Variants in NRG1 observed in about 807,000 individuals in gnomAD.
NRG1 encodes the protein pro-neuregulin-1, membrane-bound isoform.
In NRG1, 18 loss-of-function variants were observed where a neutral mutation model predicts 63.8. The ratio of observed to expected loss-of-function variants is 0.28; its 90% CI spans 0.19 to 0.42. NRG1 has a LOEUF of 0.42. NRG1 is among the 10% of genes least tolerant of loss of function. The pLI, the probability that NRG1 is intolerant of heterozygous loss-of-function variation, is 1.00. For missense variants in NRG1, 762 were observed against 814.7 expected, an observed-to-expected ratio of 0.94 and a Z score of 0.79; for synonymous variants, 302 against 301.3, an observed-to-expected ratio of 1.00 and a Z score of -0.02.
At chr8:32,748,796 T>C (rs955150286) in intron 7 of NRG1, 2 of 444,578 alleles carry the variant, frequency 4.5e-6, no homozygotes, top group African/African-American at 4.0e-5. Flanking sequence ...TTGAAAAAAG[T>C]GAGGCGTAGA....
At chr8:32,196,943 C>CT (rs773398472) in intron 1 of NRG1, among the ~76,000 whole-genome samples, 1,188 of 27,398 alleles carry the variant, frequency 0.043, 409 homozygotes, top group Middle Eastern at 0.059. Flanking sequence ...TCAGAACATT[C>CT]TTTTTTTTTT....
chr8:32,696,718 A>G (rs2128950179), intron 5 of NRG1, among the ~76,000 whole-genome samples: 1 of 142,858 alleles, frequency 7.0e-6, no homozygotes, highest in Admixed American at 7.2e-5. Flanking sequence ...CTGGAGTGCA[A>G]TGGCGCAATC....
chr8:32,002,986 T>A (rs1813190030), intron 1 of NRG1, among the ~76,000 whole-genome samples: 1 of 152,042 alleles, frequency 6.6e-6, no homozygotes, highest in Admixed American at 6.6e-5. Context: ...ATTGTATGCT[T>A]GTAGCTGAAC....
In NRG1 at chr8:31,947,797, T is replaced by A. The variant is rs533549171; in HGVS notation, c.37+308366T>A. Among the ~76,000 whole-genome samples the A allele has an allele frequency of 2.1e-4, 32 of 151,696 alleles. No individual in the cohort carries two copies. In the East Asian group the frequency reaches 5.7e-3, roughly 27 times the overall value. On this transcript the variant is annotated intron_variant, in intron 1 of 10. Transcript: ENST00000519301. The stretch of plus-strand genomic sequence containing the variant: ...CGTCTCTAGTAAAAATACAAAAAAA[T>A]TAACTGGGTGTGGTGGTGCATTCCT...
chr8:32,749,544 A>G, intron 7 of NRG1: 1 of 1,613,572 alleles, frequency 6.2e-7, no homozygotes, highest in Non-Finnish European at 8.5e-7. Flanking sequence ...TTTTTTGTCA[A>G]CTTTCTGCAT....
At chr8:32,100,143 C>T (rs1358578315) in intron 1 of NRG1, among the ~76,000 whole-genome samples, 1 of 152,012 alleles carries the variant, frequency 6.6e-6, no homozygotes. Context: ...TCTGCCTCCT[C>T]TCTTCTTCCT....
intron 1 of NRG1, among the ~76,000 whole-genome samples, chr8:32,345,279 A>T (rs1804739377): frequency 7.0e-6 from 1 of 142,134 alleles, no homozygotes; most frequent in Admixed American, 7.2e-5. Flanking sequence ...TGTTGGCCAG[A>T]AGTGCCTGTT....
intron 1 of NRG1, among the ~76,000 whole-genome samples, chr8:32,540,577 G>A (rs530940594): frequency 9.2e-5 from 14 of 152,228 alleles, no homozygotes; most frequent in African/African-American, 3.1e-4. Flanking sequence ...TAATTTTTTT[G>A]TGCCTGGATA....
chr8:32,562,173 G>C (rs1836542839), intron 1 of NRG1, among the ~76,000 whole-genome samples: 1 of 152,074 alleles, frequency 6.6e-6, no homozygotes, highest in Admixed American at 6.6e-5. Context: ...TTAAAGAGTG[G>C]CTAGAAAGGG....
At chr8:31,825,027 C>T (rs1034824479) in intron 1 of NRG1, among the ~76,000 whole-genome samples, 8 of 152,118 alleles carry the variant, frequency 5.3e-5, no homozygotes, top group South Asian at 2.1e-4. Context: ...GTAAAAAAAT[C>T]GCCTCATTTG....
intron 3 of NRG1, among the ~76,000 whole-genome samples, chr8:32,611,443 A>G (rs994822293): frequency 2.0e-5 from 3 of 152,098 alleles, no homozygotes; most frequent in Non-Finnish European, 4.4e-5. Flanking sequence ...ATGTTTTATA[A>G]TTTGTATAAC....
At chr8:32,334,404 G>A (rs1026400753) in intron 1 of NRG1, among the ~76,000 whole-genome samples, 3 of 152,196 alleles carry the variant, frequency 2.0e-5, no homozygotes, top group Admixed American at 6.5e-5. Context: ...CAAAGTCTCT[G>A]ATCAGAAGTT....
intron 1 of NRG1, among the ~76,000 whole-genome samples, chr8:31,793,178 G>C (rs16878301): frequency 0.016 from 2,369 of 152,214 alleles, 68 homozygotes; most frequent in African/African-American, 0.055. Flanking sequence ...TAAGGATTAG[G>C]TGTTCTTGAG....
At chr8:32,724,412 C>T (rs1171071908) in intron 5 of NRG1, among the ~76,000 whole-genome samples, 2 of 152,140 alleles carry the variant, frequency 1.3e-5, no homozygotes, top group African/African-American at 4.8e-5. Context: ...CCAGCCCCCC[C>T]AGAAAGAATG....
chr8:32,105,450 C>T (rs55996885), intron 1 of NRG1, among the ~76,000 whole-genome samples: 1,633 of 152,156 alleles, frequency 0.011, 15 homozygotes, highest in Middle Eastern at 0.037. Flanking sequence ...CATCAGATCT[C>T]GTGAGACTTA....
At chr8:32,362,202 T>C (rs1807309691) in intron 1 of NRG1, among the ~76,000 whole-genome samples, 1 of 152,200 alleles carries the variant, frequency 6.6e-6, no homozygotes, top group Non-Finnish European at 1.5e-5. Flanking sequence ...TGTTATGAAG[T>C]AATTGATTTG....
intron 1 of NRG1, among the ~76,000 whole-genome samples, chr8:32,128,074 G>C (rs1158737353): frequency 1.3e-5 from 2 of 151,854 alleles, no homozygotes. Flanking sequence ...TCCAATCCCT[G>C]CTCTGCAACA....
intron 1 of NRG1, among the ~76,000 whole-genome samples, chr8:31,838,488 G>A (rs1167288293): frequency 6.6e-6 from 1 of 151,918 alleles, no homozygotes; most frequent in Non-Finnish European, 1.5e-5. Flanking sequence ...AATTTCTGTT[G>A]GTATTTTTAG....
At chr8:32,501,864 G>A (rs1827892352) in intron 1 of NRG1, among the ~76,000 whole-genome samples, 1 of 152,124 alleles carries the variant, frequency 6.6e-6, no homozygotes, top group Non-Finnish European at 1.5e-5. Context: ...TAGTGGCTGA[G>A]GCCTGTAATT....
Sources: gnomAD v4.1 joint callset for allele counts (sites outside exome capture counted in the v4.1 genomes callset) on GRCh38, gnomAD v4.1.1 for gene constraint, MANE v1.5 for transcripts, NCBI Gene and HGNC (gene_info 2026-07-23, HGNC 2026-07-21) for gene names.